Variants in SPEG observed in about 807,000 individuals in gnomAD.
SPEG encodes the protein striated muscle preferentially expressed protein kinase.
In SPEG, 114 loss-of-function variants were observed where a neutral mutation model predicts 300.4. The ratio of observed to expected loss-of-function variants is 0.38; its 90% CI spans 0.33 to 0.44. The LOEUF is 0.44. SPEG is among the 20% of genes least tolerant of loss of function. The pLI is 1.00. For synonymous variants in SPEG, 1,964 were observed against 2,018.9 expected, an observed-to-expected ratio of 0.97 and a Z score of 0.73; for missense variants, 4,201 against 4,586.2, an observed-to-expected ratio of 0.92 and a Z score of 2.43.
chr2:219,488,517 A>G lies in SPEG; in HGVS notation c.7878A>G (p.Ser2626=), dbSNP rs1392496547. ...CCCCAGACAAGAAGTCCTTGAGGTCAGAGCCCTCAGTGATCATCGTGTCCT... is the reference window on the plus strand; with the variant it reads ...CCCCAGACAAGAAGTCCTTGAGGTCGGAGCCCTCAGTGATCATCGTGTCCT... ...SWMKDKKSLR[S]EPSVIIVSCK... Residue 2626 remains serine, a synonymous_variant, in exon 33 of 41, where the codon TCA becomes TCG. Transcript: ENST00000312358. 1 of 1,586,470 alleles carries G rather than the reference A, an allele frequency of 6.3e-7. No individual in the cohort carries two copies. Among genetic ancestry groups the G allele is most frequent in the South Asian group, 1.1e-5 (1 of 87,314 alleles).
chr2:219,440,872 T>A (rs1194909043), intron 1 of SPEG, among the ~76,000 whole-genome samples: 1 of 152,236 alleles, frequency 6.6e-6, no homozygotes, highest in Non-Finnish European at 1.5e-5. Context: ...CTGTTAATAG[T>A]TACTTAGTAG....
chr2:219,492,500 A>T, intron 40 of SPEG, 94 bp from the exon 41 acceptor site: 1 of 1,363,676 alleles, frequency 7.3e-7, no homozygotes, highest in South Asian at 1.3e-5. Flanking sequence ...TAGGGGTGGG[A>T]TCCAGGACTG....
chr2:219,483,052 C>T (rs771976071), intron 29 of SPEG, 46 bp from the exon 30 acceptor site: 17 of 1,563,378 alleles, frequency 1.1e-5, no homozygotes, highest in Middle Eastern at 1.7e-4. Flanking sequence ...GGGGACAATC[C>T]TGCCCCAGGG....
In SPEG at chr2:219,443,197, C is replaced by T; in HGVS notation, c.389-1456C>T. The T allele has an allele frequency of 6.3e-7, 1 of 1,577,614 alleles. No homozygotes were observed. On this transcript the variant is annotated intron_variant, in intron 1 of 40. Coordinates refer to ENST00000312358, the MANE Select transcript of SPEG (RefSeq NM_005876.5). The surrounding 1 kb of genome is among the most constrained non-coding windows in gnomAD (Gnocchi z 4.6). ...TTGCTCTAGCCCATGCCTACTCCTC[C>T]TCTTGGTCCCTGTCCCTCTGTGAGG...
In SPEG at chr2:219,479,940, C is replaced by T; in HGVS notation, c.5164-22C>T. The T allele has an allele frequency of 2.5e-6, 4 of 1,614,166 alleles. No homozygotes were observed. Among genetic ancestry groups the T allele is most frequent in the East Asian group, 2.2e-5 (1 of 44,888 alleles). On this transcript the variant is annotated intron_variant, in intron 24 of 40. Coordinates refer to ENST00000312358, the MANE Select transcript of SPEG (RefSeq NM_005876.5). The surrounding 1 kb of genome is among the most constrained non-coding windows in gnomAD (Gnocchi z 5.5). ...TCCTTCCTTGTTCATTTGGCCCGCA[C>T]ACCTCGCCTTGTGTCTTCCAGCCTG... is the stretch of plus-strand genomic sequence containing the variant.
chr2:219,488,216 C>G lies in SPEG; in HGVS notation c.7764C>G (p.Ile2588Met). Residue 2588 changes from isoleucine (I) to methionine (M), a missense_variant, in exon 32 of 41, where the codon ATC becomes ATG. Coordinates refer to ENST00000312358, the MANE Select transcript of SPEG (RefSeq NM_005876.5). ...SESDFPPVFH[I>M]KLKDQVLLEG... is the part of the protein sequence containing the mutation. ...CAGACTTCCCCCCAGTCTTCCACATCAAACTCAAGGACCAGGTGCTGCTGG... is the reference window on the plus strand; with the variant it reads ...CAGACTTCCCCCCAGTCTTCCACATGAAACTCAAGGACCAGGTGCTGCTGG... 1 of 1,613,328 alleles carries G rather than the reference C, an allele frequency of 6.2e-7. No individual in the cohort carries two copies. Among genetic ancestry groups the G allele is most frequent in the Admixed American group, 1.7e-5 (1 of 59,934 alleles).
At position 219,446,714 on chromosome 2, in the gene SPEG, TG is replaced by T. The variant is rs200643148; in HGVS notation, c.816-1257del. On this transcript the variant is annotated intron_variant, in intron 3 of 40. Coordinates refer to ENST00000312358, the MANE Select transcript of SPEG (RefSeq NM_005876.5). ...ATAAGGGCTCAGGATTCTGACTGCC[TG>T]GGTTTCAATCCTAGCACCAATCATT... Among the ~76,000 whole-genome samples the T allele has an allele frequency of 8.6e-3, 1,307 of 152,332 alleles. 19 individuals carry two copies. Among genetic ancestry groups the T allele is most frequent in the African/African-American group, 0.03 (1,240 of 41,570 alleles).
At position 219,492,621 on chromosome 2, in the gene SPEG, GGC is replaced by G; in HGVS notation, c.9640_9641del (p.Ala3214ProfsTer37). On this transcript the variant is annotated frameshift_variant, in exon 41 of 41. Transcript: ENST00000312358. LOFTEE classifies it high-confidence loss of function. ...GCCGGCCCTCCCTGCAGGACTGCCTGGCCCACCCATGGTTGCAGGACGCCTAC... is the reference window on the plus strand; with the variant it reads ...GCCGGCCCTCCCTGCAGGACTGCCTGCCACCCATGGTTGCAGGACGCCTAC... ...WSRPSLQDCL[A>X]HPWLQDAYLM... 1 of 1,610,716 alleles carries G rather than the reference GGC, an allele frequency of 6.2e-7. No individual in the cohort carries two copies. The highest frequency in any genetic ancestry group is 8.5e-7 in the Non-Finnish European group (1 of 1,179,986).
At position 219,445,027 on chromosome 2, in the gene SPEG, G is replaced by A. The variant is rs1689176571; in HGVS notation, c.681G>A (p.Val227=). The A allele has an allele frequency of 1.2e-6, 2 of 1,609,472 alleles. No homozygotes were observed. Among genetic ancestry groups the A allele is most frequent in the Non-Finnish European group, 1.7e-6 (2 of 1,178,130 alleles). Residue 227 remains valine, a synonymous_variant, in exon 3 of 41, where the codon GTG becomes GTA. Transcript: ENST00000312358. The surrounding 1 kb of genome is among the most constrained non-coding windows in gnomAD (Gnocchi z 6.1). ...ATGAGPRHLG[V]EPLVRASRAN... ...GGGCCGGGCCACGGCACCTGGGGGTGGAGCCGCTGGTGCGGGCATCTCGAG... is the reference window on the plus strand; with the variant it reads ...GGGCCGGGCCACGGCACCTGGGGGTAGAGCCGCTGGTGCGGGCATCTCGAG...
Position 219,484,399 on chromosome 2 carries a change from G to A in SPEG, c.6936G>A (p.Val2312=), listed in dbSNP as rs1228041353. 2.5e-6 allele frequency: 4 copies of A among 1,608,580 alleles called. No individual in the cohort carries two copies. The highest frequency in any genetic ancestry group is 2.5e-6 in the Non-Finnish European group (3 of 1,179,164). The change falls in exon 30 of 41, where the codon GTG becomes GTA. Residue 2312 remains valine, a synonymous_variant. Coordinates refer to ENST00000312358, the MANE Select transcript of SPEG (RefSeq NM_005876.5). ...VLAEKARVPT[V]PPRPGSSLSS... ...CCGAGAAAGCCCGAGTTCCCACGGT[G>A]CCCCCCAGGCCAGGCAGCAGTCTCA...
At chr2:219,463,285 G>T (rs1690907036) in intron 8 of SPEG, among the ~76,000 whole-genome samples, 1 of 151,848 alleles carries the variant, frequency 6.6e-6, no homozygotes, top group Admixed American at 6.6e-5. Context: ...TAAGCAGAGG[G>T]GCCTCGCTCA....
intron 1 of SPEG, among the ~76,000 whole-genome samples, chr2:219,438,303 T>C (rs1954772481): frequency 6.6e-6 from 1 of 152,170 alleles, no homozygotes; most frequent in African/African-American, 2.4e-5. Flanking sequence ...CCATTATTCA[T>C]ATAGAAAAAC....
chr2:219,478,986 AG>A (rs1306743951), intron 22 of SPEG, among the ~76,000 whole-genome samples, 157 bp from the exon 23 acceptor site: 4 of 152,038 alleles, frequency 2.6e-5, no homozygotes, highest in Non-Finnish European at 4.4e-5. Flanking sequence ...GGAGGTGGGG[AG>A]GGGGTACACG....
At position 219,481,963 on chromosome 2, in the gene SPEG, C is replaced by T. The variant is rs1692888937; in HGVS notation, c.5565+283C>T. The T allele has an allele frequency of 5.3e-6, 3 of 561,386 alleles. No individual in the cohort carries two copies. The highest frequency in any genetic ancestry group is 9.6e-6 in the Non-Finnish European group (3 of 312,512). The allele number at this position is 561,386 out of a possible 1,614,324, so 34.8% of individuals were successfully genotyped here. Reference sequence around the variant, plus strand: ...TCCTGGGCGTCCTCAGTGGAGTTCTCCCCCATGCTTGAGACCAGACCCTGG... The same window carrying T: ...TCCTGGGCGTCCTCAGTGGAGTTCTTCCCCATGCTTGAGACCAGACCCTGG... On this transcript the variant is annotated intron_variant, in intron 28 of 40. Coordinates refer to ENST00000312358, the MANE Select transcript of SPEG (RefSeq NM_005876.5). This position sits in a 1 kb window ranked among gnomAD's most constrained non-coding sequence, Gnocchi z 5.4.
chr2:219,460,372 G>A (rs928264872), intron 6 of SPEG: 7 of 985,352 alleles, frequency 7.1e-6, no homozygotes, highest in East Asian at 2.3e-4. Flanking sequence ...CCCCGGTCAG[G>A]GATCTTGGTG....
In SPEG at chr2:219,484,777, C is replaced by T. The variant is rs1472080144; in HGVS notation, c.7314C>T (p.Ser2438=). The change falls in exon 30 of 41, where the codon AGC becomes AGT. Residue 2438 remains serine (S), a synonymous_variant. Coordinates refer to ENST00000312358, the MANE Select transcript of SPEG (RefSeq NM_005876.5). ...AWEARGGDGE[S]SEGGSSARGS... is the part of the protein sequence containing the mutation. ...AGGCCCGCGGCGGGGACGGAGAGAG[C>T]TCGGAGGGCGGGAGCTCGGCGCGGG... is the stretch of plus-strand genomic sequence containing the variant. The T allele has an allele frequency of 2.3e-5, 34 of 1,467,500 alleles. No individual in the cohort carries two copies. Among genetic ancestry groups the T allele is most frequent in the South Asian group, 1.4e-5 (1 of 73,858 alleles). 90.9% of individuals were successfully genotyped at this position (1,467,500 alleles called of 1,614,324 possible).
At chr2:219,463,658 G>A (rs182400924) in intron 8 of SPEG, among the ~76,000 whole-genome samples, 2,265 of 150,262 alleles carry the variant, frequency 0.015, 37 homozygotes, top group African/African-American at 0.048. Context: ...CACCCACCTC[G>A]GCCTCCCAAA....
rs1193363646 is a variant in SPEG at position 219,472,894 on chromosome 2, G to C, written c.3945G>C (p.Pro1315=). 1 of 1,579,670 alleles carries C rather than the reference G, an allele frequency of 6.3e-7. No homozygotes were observed. The highest frequency in any genetic ancestry group is 1.4e-5 in the African/African-American group (1 of 73,988). ...PPRSLDMAID[P]DSLTYTVQHQ... ...TAGTAGCTCCTCTCCCGCCAGACCC[G>C]GACTCCCTGACGTACACAGTGCAGC... is the stretch of plus-strand genomic sequence containing the variant. The change falls in exon 16 of 41, where the codon CCG becomes CCC. Residue 1315 remains proline (P), a synonymous_variant. Transcript: ENST00000312358.
rs756008659 is a variant in SPEG at position 219,484,568 on chromosome 2, G to A, written c.7105G>A (p.Glu2369Lys). Residue 2369 changes from glutamate (E) to lysine (K), a missense_variant, in exon 30 of 41, where the codon GAG becomes AAG. Coordinates refer to ENST00000312358, the MANE Select transcript of SPEG (RefSeq NM_005876.5). ...ERGPFRGAEE[E>K]DGIYRPSPAG... The stretch of plus-strand genomic sequence containing the variant: ...CGGCCCCTTCCGTGGGGCCGAGGAG[G>A]AGGATGGCATATACCGGCCCAGCCC... 10 of 1,586,278 alleles carry A rather than the reference G, an allele frequency of 6.3e-6. No homozygotes were observed. Among genetic ancestry groups the A allele is most frequent in the Non-Finnish European group, 7.7e-6 (9 of 1,170,706 alleles).
Sources: gnomAD v4.1 joint callset for allele counts (sites outside exome capture counted in the v4.1 genomes callset) on GRCh38, gnomAD v4.1.1 for gene constraint, Gnocchi (gnomAD v3.1) non-coding constraint, MANE v1.5 for transcripts, NCBI Gene and HGNC (gene_info 2026-07-23, HGNC 2026-07-21) for gene names.